RHOT1: variants seen among roughly 807,000 people sequenced by gnomAD.
RHOT1 encodes mitochondrial Rho GTPase 1.
In RHOT1, 27 loss-of-function variants were observed where a neutral mutation model predicts 95.3. The ratio of observed to expected loss-of-function variants is 0.28; its 90% CI spans 0.21 to 0.39. The LOEUF is 0.39. Among genes scored for constraint, RHOT1 ranks in the 10% least tolerant of loss-of-function variants. The pLI, the probability that RHOT1 is intolerant of heterozygous loss-of-function variation, is 1.00. For synonymous variants in RHOT1, 227 were observed against 263.5 expected (o/e 0.86, Z 1.34); for missense variants, 578 against 786.7 (o/e 0.73, Z 3.17).
intron 11 of RHOT1, among the ~76,000 whole-genome samples, chr17:32,198,198 C>T (rs2037047482): frequency 6.6e-6 from 1 of 152,184 alleles, no homozygotes; most frequent in African/African-American, 2.4e-5. Flanking sequence ...GTCCAGCACT[C>T]AGTGCATTTG....
chr17:32,175,782 T>C (rs2034955890), intron 4 of RHOT1, among the ~76,000 whole-genome samples, 180 bp from the exon 5 acceptor site: 1 of 152,246 alleles, frequency 6.6e-6, no homozygotes, highest in Admixed American at 6.5e-5. Context: ...GTATGTGTTT[T>C]TGCTTTAAGT....
At chr17:32,187,797 G>A (rs975129918) in intron 8 of RHOT1, among the ~76,000 whole-genome samples, 3 of 152,182 alleles carry the variant, frequency 2.0e-5, no homozygotes, top group Non-Finnish European at 4.4e-5. Flanking sequence ...TCGAACTCCT[G>A]ACCTTAGGTG....
At position 32,218,052 on chromosome 17, in the gene RHOT1, C is replaced by T. The variant is rs1407219696; in HGVS notation, c.1863-6564C>T. On this transcript the variant is annotated intron_variant, in intron 19 of 19. Coordinates refer to ENST00000545287, the MANE Select transcript of RHOT1 (RefSeq NM_001033566.3). The stretch of plus-strand genomic sequence containing the variant: ...TAATTTTTTGTATTTTTAGTAGAGA[C>T]GGGTTTCACCATGTTGGCCAGGCTG... Among the ~76,000 whole-genome samples, 28 of 151,520 alleles carry T rather than the reference C, an allele frequency of 1.8e-4. 2 individuals are homozygous for T. Among genetic ancestry groups the T allele is most frequent in the Non-Finnish European group, 5.9e-5 (4 of 67,888 alleles).
At chr17:32,224,556 C>T (rs1332270918) in intron 19 of RHOT1, 60 bp from the exon 20 acceptor site, 1 of 1,162,430 alleles carries the variant, frequency 8.6e-7, no homozygotes, top group Non-Finnish European at 1.2e-6. Context: ...TGCTAAATAA[C>T]TGGTATAGGG....
At chr17:32,164,121 C>T (rs553444574) in intron 1 of RHOT1, among the ~76,000 whole-genome samples, 57 of 152,136 alleles carry the variant, frequency 3.7e-4, no homozygotes, top group South Asian at 2.1e-3. Context: ...CGCCACTGCG[C>T]GAAAAGAATA....
chr17:32,152,479 G>A (rs1407980406), intron 1 of RHOT1, among the ~76,000 whole-genome samples: 1 of 152,134 alleles, frequency 6.6e-6, no homozygotes, highest in Non-Finnish European at 1.5e-5. Flanking sequence ...GAAGAGAGAT[G>A]AAGGTCTTTT....
chr17:32,198,915 T>C, intron 11 of RHOT1, 32 bp from the exon 12 acceptor site: 1 of 1,352,090 alleles, frequency 7.4e-7, no homozygotes, highest in South Asian at 1.2e-5. Flanking sequence ...ATTTGATTAA[T>C]GATTTATTTT....
At chr17:32,194,940 C>T (rs2036763392) in intron 11 of RHOT1, among the ~76,000 whole-genome samples, 1 of 150,474 alleles carries the variant, frequency 6.6e-6, no homozygotes. Context: ...ATTCTTCTGT[C>T]TCAGCTTCCC....
At chr17:32,206,790 G>A (rs978453803) in intron 16 of RHOT1, 120 bp from the exon 17 acceptor site, 36 of 755,776 alleles carry the variant, frequency 4.8e-5, no homozygotes, top group Non-Finnish European at 8.2e-6. Context: ...GGCCTGAAAA[G>A]TTATGCTTAA....
rs572732464 is a variant in RHOT1 at position 32,161,488 on chromosome 17, A to G, written c.38-9555A>G. ...ATGGTTGGTTATCATTTACACCTGT[A>G]TCTTAGCAGAATTCAGGTCCCTCAC... On this transcript the variant is annotated intron_variant, in intron 1 of 19. Coordinates refer to ENST00000545287, the MANE Select transcript of RHOT1 (RefSeq NM_001033566.3). Among the ~76,000 whole-genome samples, 21 of 152,358 alleles carry G rather than the reference A, an allele frequency of 1.4e-4. No individual in the cohort carries two copies. The South Asian group carries it at 1.4e-3, about 11-fold the overall frequency.
At chr17:32,146,574 T>C (rs2031367339) in intron 1 of RHOT1, among the ~76,000 whole-genome samples, 1 of 150,502 alleles carries the variant, frequency 6.6e-6, no homozygotes. Flanking sequence ...GTCTCCCGAG[T>C]AGCTGGGACT....
intron 16 of RHOT1, among the ~76,000 whole-genome samples, chr17:32,205,942 A>G (rs191184597): frequency 2.7e-3 from 412 of 152,302 alleles, no homozygotes; most frequent in African/African-American, 9.3e-3. Context: ...ACAGAACAAA[A>G]ATGACCTTAC....
intron 16 of RHOT1, among the ~76,000 whole-genome samples, chr17:32,206,156 A>G (rs984207511): frequency 1.3e-5 from 2 of 149,248 alleles, no homozygotes; most frequent in Non-Finnish European, 3.0e-5. Flanking sequence ...CTGCCCCCAC[A>G]CATTAGTCAC....
rs758941418 is a variant in RHOT1 at position 32,208,211 on chromosome 17, G to A, written c.1641G>A (p.Arg547=). ...GTATTTCACCTACTGATTTCTGCAG[G>A]AAACACAAAATGCCTCCACCACAAG... ...EYSISPTDFC[R]KHKMPPPQAF... Residue 547 remains arginine (R), a synonymous_variant, in exon 18 of 20, where the codon AGG becomes AGA. Transcript: ENST00000545287. 1.9e-6 allele frequency: 3 copies of A among 1,614,064 alleles called. No individual in the cohort carries two copies. Among genetic ancestry groups the A allele is most frequent in the Non-Finnish European group, 2.5e-6 (3 of 1,179,962 alleles).
At chr17:32,143,001 C>A in intron 1 of RHOT1, 1 of 694,560 alleles carries the variant, frequency 1.4e-6, no homozygotes, top group Admixed American at 2.0e-5. Context: ...CAAGCCATGT[C>A]CCTATTAGCC....
intron 1 of RHOT1, among the ~76,000 whole-genome samples, chr17:32,155,223 G>T (rs1400209031): frequency 6.6e-6 from 1 of 151,254 alleles, no homozygotes; most frequent in African/African-American, 2.4e-5. Context: ...GCAGTGGCGC[G>T]ATCTCGGCTC....
At chr17:32,144,143 A>G (rs183748130) in intron 1 of RHOT1, among the ~76,000 whole-genome samples, 190 of 152,322 alleles carry the variant, frequency 1.2e-3, no homozygotes, top group African/African-American at 3.0e-3. Context: ...CAAGGTAGGG[A>G]AAGTGAGTAG....
intron 1 of RHOT1, among the ~76,000 whole-genome samples, chr17:32,169,494 A>G (rs1319312006): frequency 1.3e-5 from 2 of 152,232 alleles, no homozygotes; most frequent in South Asian, 2.1e-4. Context: ...CCTTGTTACT[A>G]ACCCTTTAAA....
In RHOT1 at chr17:32,223,090, A is replaced by T. The variant is rs540444072; in HGVS notation, c.1863-1526A>T. On this transcript the variant is annotated intron_variant, in intron 19 of 19. Transcript: ENST00000545287. ...ATGTGAGGAGTGATTTTTTTTTTTT[A>T]AATAGAAACTGGTGAGGGTGAGAAT... 1.1e-3 allele frequency among the ~76,000 whole-genome samples: 171 copies of T among 151,202 alleles called. 5 individuals carry two copies. In the East Asian group the frequency reaches 0.027, roughly 24 times the overall value.
Sources: gnomAD v4.1 joint callset for allele counts (sites outside exome capture counted in the v4.1 genomes callset) on GRCh38, gnomAD v4.1.1 for gene constraint, MANE v1.5 for transcripts, NCBI Gene and HGNC (gene_info 2026-07-23, HGNC 2026-07-21) for gene names.